The following TNR variants were observed in gnomAD, a reference collection of about 807,000 sequenced individuals.
TNR encodes tenascin-R.
A neutral mutation model predicts 150.4 loss-of-function variants in TNR; 45 were observed. The ratio of observed to expected loss-of-function variants is 0.30; its 90% CI spans 0.24 to 0.38. TNR has a LOEUF of 0.38. Ranked by LOEUF, TNR falls within the 10% of genes least tolerant of loss-of-function variation. The probability of loss-of-function intolerance (pLI) is 1.00; values close to 1 mark genes in which losing one functional copy is unlikely to be tolerated. For synonymous variants in TNR, 687 were observed against 678.4 expected, an observed-to-expected ratio of 1.01 and a Z score of -0.20; for missense variants, 1,544 against 1,759.1, an observed-to-expected ratio of 0.88 and a Z score of 2.19.
intron 2 of TNR, among the ~76,000 whole-genome samples, chr1:175,524,699 CAGG>C (rs1659783221): frequency 6.6e-6 from 1 of 152,136 alleles, no homozygotes; most frequent in African/African-American, 2.4e-5. Flanking sequence ...TTTATAGCTC[CAGG>C]CTTAGCGAAG....
chr1:175,525,147 G>A (rs1037336852), intron 2 of TNR, among the ~76,000 whole-genome samples: 1 of 152,160 alleles, frequency 6.6e-6, no homozygotes, highest in African/African-American at 2.4e-5. Context: ...AGTTTTATAA[G>A]GGGCTTTTCC....
At chr1:175,702,483 C>T (rs1451879436) in intron 1 of TNR, among the ~76,000 whole-genome samples, 2 of 152,204 alleles carry the variant, frequency 1.3e-5, no homozygotes, top group African/African-American at 4.8e-5. Context: ...TGCCAGGTAC[C>T]CTGGACCCAG....
At chr1:175,637,996 A>G (rs1234136888) in intron 1 of TNR, among the ~76,000 whole-genome samples, 1 of 152,118 alleles carries the variant, frequency 6.6e-6, no homozygotes, top group African/African-American at 2.4e-5. Context: ...GAAAAGACTC[A>G]TGGATTTCCC....
chr1:175,452,312 G>A (rs976999702), intron 2 of TNR, among the ~76,000 whole-genome samples: 1 of 152,242 alleles, frequency 6.6e-6, no homozygotes, highest in African/African-American at 2.4e-5. Context: ...AAAGTCTAGC[G>A]GGGGAAATGA....
At chr1:175,382,874 C>T (rs12743679) in intron 8 of TNR, among the ~76,000 whole-genome samples, 283 of 149,620 alleles carry the variant, frequency 1.9e-3, no homozygotes, top group Non-Finnish European at 2.9e-3. Context: ...GCACTCCAGA[C>T]TGGGTGACAG....
Position 175,742,626 on chromosome 1 carries a change from C to A in TNR, c.-165+600G>T, listed in dbSNP as rs574634750. Among the ~76,000 whole-genome samples, 3 of 152,272 alleles carry A rather than the reference C, an allele frequency of 2.0e-5. No individual in the cohort carries two copies. In the East Asian group the frequency reaches 5.8e-4, roughly 29 times the overall value. On this transcript the variant is annotated intron_variant, in intron 1 of 22. Coordinates refer to ENST00000367674, the MANE Select transcript of TNR (RefSeq NM_003285.3). Reference sequence around the variant, plus strand: ...TTCACCTGTTGCACCTGCCCACTTACCATGGGTTCACACCAGAAGAGAAAG... The same window carrying A: ...TTCACCTGTTGCACCTGCCCACTTAACATGGGTTCACACCAGAAGAGAAAG...
rs574308346 is a variant in TNR at position 175,338,298 on chromosome 1, T to C, written c.3383-619A>G. ...CATGTTTTACAGTTCAGTTTAAGTT[T>C]AAGGAGAGGGCAGGGGAAGTAAATT... On this transcript the variant is annotated intron_variant, in intron 18 of 22. Coordinates refer to ENST00000367674, the MANE Select transcript of TNR (RefSeq NM_003285.3). Among the ~76,000 whole-genome samples the C allele has an allele frequency of 7.2e-5, 11 of 152,316 alleles. No homozygotes were observed. In the South Asian group the frequency reaches 2.1e-3, roughly 29 times the overall value.
intron 1 of TNR, among the ~76,000 whole-genome samples, chr1:175,649,292 C>T (rs968792275): frequency 1.6e-4 from 25 of 152,194 alleles, no homozygotes; most frequent in African/African-American, 4.8e-4. Flanking sequence ...ACCTTCAGAT[C>T]GCAGCTTGGT....
chr1:175,363,257 C>T (rs1309782856), intron 13 of TNR, among the ~76,000 whole-genome samples: 2 of 152,320 alleles, frequency 1.3e-5, no homozygotes, highest in South Asian at 4.1e-4. Context: ...GGGCCAGTTT[C>T]CTCTGACTCA....
chr1:175,536,473 C>G (rs1341706402), intron 1 of TNR, among the ~76,000 whole-genome samples: 1 of 152,194 alleles, frequency 6.6e-6, no homozygotes, highest in African/African-American at 2.4e-5. Context: ...AGTCAGGAAA[C>G]TGAGACACAA....
chr1:175,361,127 T>A (rs925096040), intron 14 of TNR, among the ~76,000 whole-genome samples: 4 of 152,162 alleles, frequency 2.6e-5, no homozygotes, highest in Non-Finnish European at 4.4e-5. Flanking sequence ...AGTGGCATGA[T>A]CATGGCTCAC....
intron 2 of TNR, among the ~76,000 whole-genome samples, chr1:175,509,824 T>A (rs1037208437): frequency 2.0e-5 from 3 of 152,226 alleles, no homozygotes; most frequent in Non-Finnish European, 1.5e-5. Flanking sequence ...TGTACTGTAT[T>A]TTTAAACTTC....
chr1:175,565,953 T>C (rs1451131757), intron 1 of TNR, among the ~76,000 whole-genome samples: 2 of 152,092 alleles, frequency 1.3e-5, no homozygotes, highest in Non-Finnish European at 2.9e-5. Flanking sequence ...AAGCAGGCAA[T>C]CTAATAGGGG....
At chr1:175,614,557 T>G (rs16848780) in intron 1 of TNR, among the ~76,000 whole-genome samples, 43,607 of 152,138 alleles carry the variant, frequency 0.29, 6,548 homozygotes, top group East Asian at 0.48. Context: ...CTTGATTATT[T>G]CATCCCTCCT....
chr1:175,335,882 C>CT, intron 19 of TNR, 75 bp from the exon 20 acceptor site: 1 of 1,322,098 alleles, frequency 7.6e-7, no homozygotes, highest in Non-Finnish European at 1.1e-6. Context: ...GGAAAATAAA[C>CT]TGTGATAAGT....
intron 1 of TNR, among the ~76,000 whole-genome samples, chr1:175,536,745 T>C (rs1660308035): frequency 6.6e-6 from 1 of 152,208 alleles, no homozygotes; most frequent in Non-Finnish European, 1.5e-5. Context: ...GCTGAGGTTT[T>C]TGGTCATCTC....
At chr1:175,684,934 G>A (rs1343950165) in intron 1 of TNR, among the ~76,000 whole-genome samples, 1 of 152,130 alleles carries the variant, frequency 6.6e-6, no homozygotes, top group African/African-American at 2.4e-5. Flanking sequence ...AGAACTTTGG[G>A]AAACCCCAAA....
At chr1:175,564,375 T>C (rs1421178416) in intron 1 of TNR, among the ~76,000 whole-genome samples, 1 of 152,248 alleles carries the variant, frequency 6.6e-6, no homozygotes, top group African/African-American at 2.4e-5. Flanking sequence ...TCCTGGGGCC[T>C]TTTGTGGTTT....
At chr1:175,479,034 G>A (rs1657666735) in intron 2 of TNR, among the ~76,000 whole-genome samples, 1 of 152,046 alleles carries the variant, frequency 6.6e-6, no homozygotes, top group Non-Finnish European at 1.5e-5. Context: ...TTTACAATAG[G>A]TGCTTGACAC....
Sources: gnomAD v4.1 joint callset for allele counts (sites outside exome capture counted in the v4.1 genomes callset) on GRCh38, gnomAD v4.1.1 for gene constraint, MANE v1.5 for transcripts, NCBI Gene and HGNC (gene_info 2026-07-23, HGNC 2026-07-21) for gene names.